The following MACF1 variants were observed in gnomAD, a reference collection of about 807,000 sequenced individuals.
The protein encoded by MACF1 is microtubule-actin cross-linking factor 1.
MACF1 carries 193 observed loss-of-function variants against 854.8 expected under a neutral mutation model. The ratio of observed to expected loss-of-function variants is 0.23; its 90% CI spans 0.20 to 0.25. The LOEUF is 0.25. MACF1 is among the 10% of genes least tolerant of loss of function. The pLI is 1.00. For synonymous variants in MACF1, 3,185 were observed against 3,226.7 expected (o/e 0.99, Z 0.44); for missense variants, 7,722 against 8,929.1 (o/e 0.86, Z 5.45).
intron 49 of MACF1, among the ~76,000 whole-genome samples, chr1:39,367,039 G>T (rs577716005): frequency 7.0e-6 from 1 of 142,952 alleles, no homozygotes; most frequent in Non-Finnish European, 1.5e-5. Context: ...CCTCCTCCTC[G>T]CAAATTCAAG....
Position 39,324,688 on chromosome 1 carries a change from G to A in MACF1, c.4432G>A (p.Glu1478Lys). 6.2e-7 allele frequency: 1 copy of A among 1,613,768 alleles called. No homozygotes were observed. The highest frequency in any genetic ancestry group is 2.2e-5 in the East Asian group (1 of 44,866). Residue 1478 changes from glutamate to lysine, a missense_variant, in exon 35 of 101, where the codon GAA becomes AAA. By Grantham distance (56) the Glu-to-Lys change is moderately conservative. This residue lies in a region of MACF1 where 1,531 missense variants were observed against 1,601.6 expected (regional missense o/e 0.96). Coordinates refer to ENST00000564288, the MANE Select transcript of MACF1 (RefSeq NM_001394062.1). ...GACAACAAAGAAAGAACAAGTCTCT[G>A]AAGCTATTAAAACATCACAGATCTT... ...ELTTKKEQVS[E>K]AIKTSQIFLA...
At chr1:39,418,013 A>C (rs552905861) in intron 58 of MACF1, among the ~76,000 whole-genome samples, 3 of 152,242 alleles carry the variant, frequency 2.0e-5, no homozygotes, top group Non-Finnish European at 4.4e-5. Flanking sequence ...ACATAAATAA[A>C]TATAAAATAA....
At chr1:39,301,065 T>C (rs1646029961) in intron 22 of MACF1, among the ~76,000 whole-genome samples, 1 of 152,176 alleles carries the variant, frequency 6.6e-6, no homozygotes. Context: ...TGTGTCAGCC[T>C]CCCCATTTAG....
intron 2 of MACF1, among the ~76,000 whole-genome samples, chr1:39,188,989 C>T (rs969300995): frequency 2.0e-5 from 3 of 152,198 alleles, no homozygotes; most frequent in Admixed American, 6.5e-5. Context: ...CCACCTGCTT[C>T]GGCCTCCCAA....
At chr1:39,472,136 G>C (rs1188147055) in intron 97 of MACF1, among the ~76,000 whole-genome samples, 2 of 152,110 alleles carry the variant, frequency 1.3e-5, no homozygotes, top group African/African-American at 4.8e-5. Flanking sequence ...CTTTTCTCCA[G>C]TGAAAAGAAT....
chr1:39,434,925 G>T (rs1040768487), intron 69 of MACF1, among the ~76,000 whole-genome samples: 7 of 152,204 alleles, frequency 4.6e-5, no homozygotes, highest in Non-Finnish European at 7.3e-5. Context: ...ATAGGGTGTT[G>T]TTACACTCAA....
At chr1:39,388,806 A>G in intron 58 of MACF1, 148 bp downstream of exon 58, 2 of 628,608 alleles carry the variant, frequency 3.2e-6, no homozygotes, top group South Asian at 3.8e-5. Context: ...TGAAGACTAA[A>G]TAGTCTCTCG....
At position 39,241,463 on chromosome 1, in the gene MACF1, C is replaced by T. The variant is rs1644921880; in HGVS notation, c.172-8551C>T. On this transcript the variant is annotated intron_variant, in intron 2 of 100. Transcript: ENST00000564288. ...TCACTTGAGGTCAGGCGTTCGGGAC[C>T]AGCCTTACCAACATGGTGAAACCCC... Among the ~76,000 whole-genome samples, 4 of 151,944 alleles carry T rather than the reference C, an allele frequency of 2.6e-5. No homozygotes were observed. In the South Asian group the frequency reaches 8.3e-4, roughly 31 times the overall value.
chr1:39,170,811 A>G (rs971686188), intron 2 of MACF1, among the ~76,000 whole-genome samples: 11 of 152,214 alleles, frequency 7.2e-5, no homozygotes, highest in African/African-American at 2.7e-4. Context: ...CATCTGTGGG[A>G]GGACAGCAGT....
At chr1:39,434,288 C>T (rs1463372873) in intron 68 of MACF1, 126 bp from the exon 69 acceptor site, 2 of 446,908 alleles carry the variant, frequency 4.5e-6, no homozygotes, top group Non-Finnish European at 7.9e-6. Flanking sequence ...GTAATCTTTA[C>T]TGATATTTTA....
At chr1:39,232,754 T>TTTTTG (rs200083154) in intron 2 of MACF1, among the ~76,000 whole-genome samples, 13,607 of 55,714 alleles carry the variant, frequency 0.24, 824 homozygotes, top group East Asian at 0.43. Flanking sequence ...TTGTTTTTTT[T>TTTTTG]TTTTTTTTTT....
At chr1:39,208,916 A>G (rs16866216) in intron 1 of MACF1, among the ~76,000 whole-genome samples, 92,413 of 151,790 alleles carry the variant, frequency 0.61, 30,323 homozygotes, top group South Asian at 0.78. Flanking sequence ...AACAGGGACT[A>G]TTACTCATCT....
chr1:39,293,566 T>C lies in MACF1; in HGVS notation c.2101T>C (p.Tyr701His). The stretch of plus-strand genomic sequence containing the variant: ...TGAGAAGGAGGAGGAGGAACTAGCA[T>C]ATGACTGGAGTGACAACAATTCCAA... ...LNEKEEEELAYDWSDNNSNIS... is the reference protein window; with the variant it reads ...LNEKEEEELAHDWSDNNSNIS... The change falls in exon 18 of 101, where the codon TAT becomes CAT. Residue 701 changes from tyrosine to histidine, a missense_variant. Tyr to His is a moderately conservative substitution (Grantham distance 83). Transcript: ENST00000564288. 6.2e-7 allele frequency: 1 copy of C among 1,613,950 alleles called. No homozygotes were observed. The highest frequency in any genetic ancestry group is 1.7e-4 in the Middle Eastern group (1 of 6,060).
chr1:39,302,830 T>A (rs1251550597), intron 22 of MACF1, 94 bp from the exon 23 acceptor site: 1 of 1,247,782 alleles, frequency 8.0e-7, no homozygotes, highest in Non-Finnish European at 1.1e-6. Flanking sequence ...GCAGATTTTT[T>A]TCTTAAGGAT....
chr1:39,117,707 G>A (rs748707293), intron 2 of MACF1, among the ~76,000 whole-genome samples: 9 of 152,162 alleles, frequency 5.9e-5, no homozygotes, highest in Non-Finnish European at 1.3e-4. Context: ...CTCTTTGAAT[G>A]TAGAATATAG....
At chr1:39,443,097 T>G (rs542189678) in intron 78 of MACF1, among the ~76,000 whole-genome samples, 186 bp downstream of exon 78, 1 of 152,364 alleles carries the variant, frequency 6.6e-6, no homozygotes, top group African/African-American at 2.4e-5. Context: ...CTGAATTCAT[T>G]TCTAGCTCAG....
At chr1:39,233,775 C>T (rs1178964728) in intron 2 of MACF1, among the ~76,000 whole-genome samples, 20 of 36,494 alleles carry the variant, frequency 5.5e-4, no homozygotes, top group South Asian at 3.9e-3. Flanking sequence ...CTAGCCATAG[C>T]TTTTTTTTTT....
intron 2 of MACF1, among the ~76,000 whole-genome samples, chr1:39,176,608 G>A (rs1644033024): frequency 6.6e-6 from 1 of 152,106 alleles, no homozygotes; most frequent in African/African-American, 2.4e-5. Flanking sequence ...TGCTTGGGGA[G>A]CTAGATATGA....
At chr1:39,403,847 G>C (rs976529948) in intron 58 of MACF1, among the ~76,000 whole-genome samples, 2 of 152,160 alleles carry the variant, frequency 1.3e-5, no homozygotes, top group African/African-American at 4.8e-5. Context: ...TGGGCGGGGG[G>C]GCCGGGCTTC....
Sources: gnomAD v4.1 joint callset for allele counts (sites outside exome capture counted in the v4.1 genomes callset) on GRCh38, gnomAD v4.1.1 for gene constraint, gnomAD v4.1.1 regional missense constraint, MANE v1.5 for transcripts, NCBI Gene and HGNC (gene_info 2026-07-23, HGNC 2026-07-21) for gene names.